Variants in CHN2 observed in about 807,000 individuals in gnomAD.
CHN2 encodes the protein chimerin 2, also known as beta-chimaerin.
In CHN2, 35 loss-of-function variants were observed where a neutral mutation model predicts 56.3. That is an observed-to-expected ratio of 0.62 (90% CI 0.47 to 0.82). The LOEUF (loss-of-function observed/expected upper bound fraction) is 0.82, where lower values mean the gene tolerates loss of function less well. Among genes scored for constraint, CHN2 ranks in the 40% least tolerant of loss-of-function variants. CHN2 has a pLI of 0.00. For synonymous variants in CHN2, 210 were observed against 212.8 expected, an observed-to-expected ratio of 0.99 and a Z score of 0.12; for missense variants, 491 against 580.5, an observed-to-expected ratio of 0.85 and a Z score of 1.58.
At chr7:29,180,425 G>T (rs531169082) in intron 2 of CHN2, among the ~76,000 whole-genome samples, 1 of 152,210 alleles carries the variant, frequency 6.6e-6, no homozygotes, top group South Asian at 2.1e-4. Context: ...TACTCAGGAG[G>T]CTGAGGCAGG....
At chr7:29,283,431 TG>T (rs1791889442) in intron 1 of CHN2, among the ~76,000 whole-genome samples, 1 of 152,146 alleles carries the variant, frequency 6.6e-6, no homozygotes, top group Non-Finnish European at 1.5e-5. Context: ...CCCTTCCATG[TG>T]GACAGGACTA....
chr7:29,156,749 G>A (rs1794430010), intron 2 of CHN2, among the ~76,000 whole-genome samples: 1 of 152,188 alleles, frequency 6.6e-6, no homozygotes. Flanking sequence ...CAAGCATTAT[G>A]CTAAATTATC....
chr7:29,369,458 T>G (rs891073391), intron 3 of CHN2, among the ~76,000 whole-genome samples: 1 of 152,198 alleles, frequency 6.6e-6, no homozygotes. Flanking sequence ...AGCTCTGGCC[T>G]TGTTGTGGGG....
intron 6 of CHN2, among the ~76,000 whole-genome samples, chr7:29,413,677 C>T (rs887128844): frequency 4.6e-5 from 7 of 152,208 alleles, no homozygotes; most frequent in African/African-American, 1.4e-4. Flanking sequence ...TGCCCAGGGT[C>T]GTAGAACTTG....
intron 1 of CHN2, among the ~76,000 whole-genome samples, chr7:29,242,842 G>A (rs1787797705): frequency 6.9e-6 from 1 of 144,234 alleles, no homozygotes; most frequent in Non-Finnish European, 1.5e-5. Flanking sequence ...AGTGGTAATT[G>A]TGATTCTCAG....
At chr7:29,235,329 A>G (rs1787106848) in intron 1 of CHN2, among the ~76,000 whole-genome samples, 5 of 152,196 alleles carry the variant, frequency 3.3e-5, no homozygotes, top group Admixed American at 2.6e-4. Context: ...CAAAACCACA[A>G]TGAGATACCA....
At chr7:29,362,135 C>T (rs768644296) in intron 2 of CHN2, among the ~76,000 whole-genome samples, 1 of 152,184 alleles carries the variant, frequency 6.6e-6, no homozygotes, top group Non-Finnish European at 1.5e-5. Context: ...TATTTTATAA[C>T]TCCTAGGAGT....
chr7:29,182,875 T>C (rs1194880516), intron 2 of CHN2, among the ~76,000 whole-genome samples: 2 of 152,132 alleles, frequency 1.3e-5, no homozygotes, highest in African/African-American at 4.8e-5. Flanking sequence ...GTGTGGAAAA[T>C]CATGACAGCC....
chr7:29,408,379 T>G (rs1186251846), intron 6 of CHN2, among the ~76,000 whole-genome samples: 1 of 152,042 alleles, frequency 6.6e-6, no homozygotes, highest in Non-Finnish European at 1.5e-5. Context: ...GTAAAGGTGA[T>G]CAGACATTTT....
intron 3 of CHN2, among the ~76,000 whole-genome samples, chr7:29,384,133 A>AG (rs1245996308): frequency 1.3e-5 from 2 of 152,174 alleles, no homozygotes; most frequent in African/African-American, 4.8e-5. Context: ...CTGAGCCATT[A>AG]GGTGTGATGA....
chr7:29,460,896 G>A (rs563100360), intron 6 of CHN2, among the ~76,000 whole-genome samples: 53 of 152,250 alleles, frequency 3.5e-4, no homozygotes, highest in Non-Finnish European at 6.0e-4. Flanking sequence ...CGCTTCTCTG[G>A]GCCTCAGTTT....
intron 1 of CHN2, among the ~76,000 whole-genome samples, chr7:29,284,377 G>A (rs1791980225): frequency 6.6e-6 from 1 of 152,240 alleles, no homozygotes; most frequent in Non-Finnish European, 1.5e-5. Context: ...TTACAGGCAT[G>A]AGCCACCACA....
At chr7:29,323,782 GGTCAGGA>G (rs1305363155) in intron 1 of CHN2, among the ~76,000 whole-genome samples, 1 of 152,008 alleles carries the variant, frequency 6.6e-6, no homozygotes, top group African/African-American at 2.4e-5. Context: ...CGGATCACGA[GGTCAGGA>G]GATCAAGACC....
At chr7:29,260,893 G>A (rs1789485937) in intron 1 of CHN2, among the ~76,000 whole-genome samples, 1 of 152,128 alleles carries the variant, frequency 6.6e-6, no homozygotes, top group African/African-American at 2.4e-5. Flanking sequence ...ACAGCTCTTT[G>A]AGAATGTCAT....
At chr7:29,216,181 G>A (rs1334024596) in intron 1 of CHN2, among the ~76,000 whole-genome samples, 2 of 152,168 alleles carry the variant, frequency 1.3e-5, no homozygotes, top group Non-Finnish European at 2.9e-5. Context: ...TAATAGCCTG[G>A]AAATTCCAAT....
At chr7:29,260,532 G>A (rs1300513305) in intron 1 of CHN2, among the ~76,000 whole-genome samples, 1 of 152,042 alleles carries the variant, frequency 6.6e-6, no homozygotes, top group African/African-American at 2.4e-5. Context: ...TGGAGAAGGG[G>A]TGGCCATGGT....
intron 1 of CHN2, among the ~76,000 whole-genome samples, chr7:29,301,999 A>T (rs1266164539): frequency 6.6e-6 from 1 of 152,154 alleles, no homozygotes; most frequent in African/African-American, 2.4e-5. Flanking sequence ...TGTGAGATGC[A>T]CTTCCCCTTG....
chr7:29,227,386 G>A (rs961666855), intron 1 of CHN2, among the ~76,000 whole-genome samples: 1 of 152,200 alleles, frequency 6.6e-6, no homozygotes, highest in Non-Finnish European at 1.5e-5. Context: ...GACGTACTGA[G>A]TTCCTGTTAA....
chr7:29,312,058 A>G lies in CHN2; in HGVS notation c.50-42567A>G, dbSNP rs181636170. On this transcript the variant is annotated intron_variant, in intron 1 of 12. Coordinates refer to ENST00000222792, the MANE Select transcript of CHN2 (RefSeq NM_004067.4). ...ATTTGAGGCAACTACAGTACTGGAA[A>G]TTAATACAAATCCTTCATTTGTCAT... Among the ~76,000 whole-genome samples, 10 of 152,332 alleles carry G rather than the reference A, an allele frequency of 6.6e-5. No homozygotes were observed. In the South Asian group the frequency reaches 1.0e-3, roughly 16 times the overall value.
Sources: gnomAD v4.1 joint callset for allele counts (sites outside exome capture counted in the v4.1 genomes callset) on GRCh38, gnomAD v4.1.1 for gene constraint, MANE v1.5 for transcripts, NCBI Gene and HGNC (gene_info 2026-07-23, HGNC 2026-07-21) for gene names.